The following FBXL7 variants were observed in gnomAD, a reference collection of about 807,000 sequenced individuals.
FBXL7 encodes the protein F-box and leucine rich repeat protein 7, also known as F-box/LRR-repeat protein 7.
A neutral mutation model predicts 38.3 loss-of-function variants in FBXL7; 12 were observed. The observed-to-expected ratio is 0.31, with a 90% CI of 0.20 to 0.51. The LOEUF (loss-of-function observed/expected upper bound fraction) is 0.51. FBXL7 is among the 20% of genes least tolerant of loss of function. The probability of loss-of-function intolerance (pLI) is 0.98; values close to 1 mark genes in which losing one functional copy is unlikely to be tolerated. For missense variants in FBXL7, 567 were observed against 676.4 expected (o/e 0.84, Z 1.79); for synonymous variants, 297 against 300.9 (o/e 0.99, Z 0.13).
chr5:15,831,028 G>A (rs991084123), intron 2 of FBXL7, among the ~76,000 whole-genome samples: 2 of 152,288 alleles, frequency 1.3e-5, no homozygotes, highest in Non-Finnish European at 2.9e-5. Flanking sequence ...AGGACAAAAT[G>A]TGAAACCCAA....
chr5:15,668,981 G>C (rs1038004980), intron 2 of FBXL7, among the ~76,000 whole-genome samples: 2 of 152,170 alleles, frequency 1.3e-5, no homozygotes, highest in African/African-American at 4.8e-5. Context: ...CATATACAAT[G>C]CTTAGAGTGA....
chr5:15,766,423 A>G (rs1416833606), intron 2 of FBXL7, among the ~76,000 whole-genome samples: 1 of 152,206 alleles, frequency 6.6e-6, no homozygotes. Flanking sequence ...ATATAAAGAA[A>G]GCACCTAGTC....
chr5:15,762,655 A>T (rs1022492169), intron 2 of FBXL7, among the ~76,000 whole-genome samples: 3 of 152,224 alleles, frequency 2.0e-5, no homozygotes, highest in Non-Finnish European at 4.4e-5. Flanking sequence ...TCTCTCTTAG[A>T]GTTGTTTTGA....
At chr5:15,715,813 C>A (rs536509473) in intron 2 of FBXL7, among the ~76,000 whole-genome samples, 6 of 152,116 alleles carry the variant, frequency 3.9e-5, no homozygotes, top group Non-Finnish European at 7.3e-5. Context: ...ATGCTACTTG[C>A]CCACCGAACT....
At chr5:15,714,080 A>G (rs1408295718) in intron 2 of FBXL7, among the ~76,000 whole-genome samples, 1 of 152,082 alleles carries the variant, frequency 6.6e-6, no homozygotes, top group African/African-American at 2.4e-5. Context: ...AATATTCTGG[A>G]TTGTTTGGGT....
In FBXL7 at chr5:15,570,676, G is replaced by A. The variant is rs982122549; in HGVS notation, c.38-45307G>A. On this transcript the variant is annotated intron_variant, in intron 1 of 3. Transcript: ENST00000504595. ...GCCCGTGTGTGTGCCAGCATTAACAGAAGTACCTTCCAGGGTGGTTTCCTG... is the reference window on the plus strand; with the variant it reads ...GCCCGTGTGTGTGCCAGCATTAACAAAAGTACCTTCCAGGGTGGTTTCCTG... Among the ~76,000 whole-genome samples, 16 of 152,208 alleles carry A rather than the reference G, an allele frequency of 1.1e-4. 1 individual carries two copies. The highest frequency in any genetic ancestry group is 3.9e-4 in the African/African-American group (16 of 41,452).
intron 2 of FBXL7, among the ~76,000 whole-genome samples, chr5:15,651,100 C>T (rs868194634): frequency 2.0e-3 from 251 of 128,108 alleles, no homozygotes; most frequent in East Asian, 2.5e-3. Flanking sequence ...TTTTTTTTTT[C>T]TTTTTTTTTT....
At chr5:15,773,940 G>A (rs1200708627) in intron 2 of FBXL7, among the ~76,000 whole-genome samples, 1 of 152,058 alleles carries the variant, frequency 6.6e-6, no homozygotes, top group African/African-American at 2.4e-5. Context: ...CATGTTCTTA[G>A]ATTCCCTTTC....
intron 1 of FBXL7, among the ~76,000 whole-genome samples, chr5:15,558,552 G>T (rs1476728873): frequency 6.6e-6 from 1 of 152,112 alleles, no homozygotes; most frequent in Non-Finnish European, 1.5e-5. Flanking sequence ...TGTTCCCAAG[G>T]GATTTACTTT....
chr5:15,826,349 G>A (rs1738307956), intron 2 of FBXL7, among the ~76,000 whole-genome samples: 1 of 152,178 alleles, frequency 6.6e-6, no homozygotes, highest in African/African-American at 2.4e-5. Context: ...TGTACTTCGA[G>A]AAAATAGCGT....
chr5:15,867,804 C>T (rs1185213796), intron 2 of FBXL7, among the ~76,000 whole-genome samples: 1 of 152,130 alleles, frequency 6.6e-6, no homozygotes, highest in Non-Finnish European at 1.5e-5. Context: ...CTGTTGCTGG[C>T]TTTAAAAATG....
At chr5:15,927,804 A>AAAAG in intron 2 of FBXL7, 86 bp from the exon 3 acceptor site, 2 of 1,043,970 alleles carry the variant, frequency 1.9e-6, no homozygotes, top group African/African-American at 1.6e-5. Flanking sequence ...GAAAGAAAAG[A>AAAAG]AAAGAAAGAA....
At chr5:15,882,600 A>T (rs1417973564) in intron 2 of FBXL7, among the ~76,000 whole-genome samples, 8 of 152,238 alleles carry the variant, frequency 5.3e-5, no homozygotes. Context: ...GACAGAAGTC[A>T]CTAGTCAGAA....
intron 2 of FBXL7, among the ~76,000 whole-genome samples, chr5:15,646,976 CTAATTTAGTCTGGTCTTCAAGTAT>C (rs1741550831): frequency 6.6e-6 from 1 of 152,174 alleles, no homozygotes; most frequent in South Asian, 2.1e-4. Context: ...AGGAAAACCG[CTAATTTAGTCTGGTCTTCAAGTAT>C]TAAATGGCAT....
chr5:15,886,086 G>A (rs979580575), intron 2 of FBXL7, among the ~76,000 whole-genome samples: 1 of 152,128 alleles, frequency 6.6e-6, no homozygotes, highest in Non-Finnish European at 1.5e-5. Context: ...CCAAAAGAGA[G>A]CAAGAGGAAG....
chr5:15,784,805 C>T (rs4702110), intron 2 of FBXL7, among the ~76,000 whole-genome samples: 8,602 of 152,236 alleles, frequency 0.057, 254 homozygotes, highest in East Asian at 0.1. Context: ...AACCATGAGC[C>T]AATTAAACCT....
chr5:15,526,539 C>T (rs1207438461), intron 1 of FBXL7, among the ~76,000 whole-genome samples: 1 of 152,164 alleles, frequency 6.6e-6, no homozygotes, highest in African/African-American at 2.4e-5. Context: ...CAGTGAGTAT[C>T]TCATGTCAGA....
intron 2 of FBXL7, among the ~76,000 whole-genome samples, chr5:15,768,581 C>G (rs1736652052): frequency 6.6e-6 from 1 of 151,886 alleles, no homozygotes; most frequent in Admixed American, 6.6e-5. Flanking sequence ...ATACAAACAG[C>G]CTTTCAATAG....
At chr5:15,813,640 A>G (rs1296112044) in intron 2 of FBXL7, among the ~76,000 whole-genome samples, 3 of 152,166 alleles carry the variant, frequency 2.0e-5, no homozygotes, top group Non-Finnish European at 4.4e-5. Context: ...TGAACAGGCA[A>G]CCTACAGAAT....
Sources: allele counts gnomAD v4.1 joint callset (sites outside exome capture counted in the v4.1 genomes callset), GRCh38; gene constraint gnomAD v4.1.1; transcripts MANE v1.5; gene names NCBI Gene and HGNC (gene_info 2026-07-23, HGNC 2026-07-21).